The following POU6F2 variants were observed in gnomAD, a reference collection of about 807,000 sequenced individuals.
POU6F2 encodes POU class 6 homeobox 2, also known as POU domain, class 6, transcription factor 2.
In POU6F2, 31 loss-of-function variants were observed where a neutral mutation model predicts 71.3. That is an observed-to-expected ratio of 0.43 (90% CI 0.33 to 0.59). The LOEUF (loss-of-function observed/expected upper bound fraction) is 0.59, where lower values mean the gene tolerates loss of function less well. Among genes scored for constraint, POU6F2 ranks in the 20% least tolerant of loss-of-function variants. The pLI is 0.04. For synonymous variants in POU6F2, 347 were observed against 355.7 expected (o/e 0.98, Z 0.27); for missense variants, 783 against 856.8 (o/e 0.91, Z 1.07).
chr7:39,437,953 T>TTA (rs1788288337), intron 7 of POU6F2, among the ~76,000 whole-genome samples: 1 of 151,968 alleles, frequency 6.6e-6, no homozygotes, highest in African/African-American at 2.4e-5. Flanking sequence ...TCTTTTTTTT[T>TTA]TTATTATTAT....
chr7:39,393,693 T>C (rs935937947), intron 5 of POU6F2, among the ~76,000 whole-genome samples: 7 of 152,228 alleles, frequency 4.6e-5, no homozygotes, highest in African/African-American at 1.7e-4. Flanking sequence ...ATGGCTAGCA[T>C]ATCTCTGGCT....
chr7:39,091,413 T>C lies in POU6F2; in HGVS notation c.277+5382T>C, dbSNP rs80313414. On this transcript the variant is annotated intron_variant, in intron 2 of 9. Transcript: ENST00000518318. ...TACTCCATGGTAGCACATTAGCAAG[T>C]CAAAATACTGATATGGTTTTACTTT... is the stretch of plus-strand genomic sequence containing the variant. Among the ~76,000 whole-genome samples, 5 of 152,212 alleles carry C rather than the reference T, an allele frequency of 3.3e-5. No individual in the cohort carries two copies. The East Asian group carries it at 9.6e-4, about 29-fold the overall frequency.
chr7:39,292,459 C>T (rs183201005), intron 4 of POU6F2, among the ~76,000 whole-genome samples: 4 of 152,312 alleles, frequency 2.6e-5, no homozygotes, highest in Admixed American at 1.3e-4. Flanking sequence ...AGTTTGTGCT[C>T]GGCCCATCTT....
chr7:39,145,068 G>A (rs907191946), intron 2 of POU6F2, among the ~76,000 whole-genome samples: 3 of 152,144 alleles, frequency 2.0e-5, no homozygotes, highest in African/African-American at 7.2e-5. Context: ...CAATTTTTTA[G>A]TGGCACCTTC....
At chr7:39,332,914 CACTTT>C (rs1785685771) in intron 4 of POU6F2, among the ~76,000 whole-genome samples, 1 of 152,078 alleles carries the variant, frequency 6.6e-6, no homozygotes. Flanking sequence ...AGAGGAGAAG[CACTTT>C]ACTTTGGGGT....
rs562449466 is a variant in POU6F2, at chr7:39,452,890, C to T, written c.1489+1189C>T. Among the ~76,000 whole-genome samples the T allele has an allele frequency of 4.3e-4, 66 of 152,110 alleles. No individual in the cohort carries two copies. In the South Asian group the frequency reaches 0.011, roughly 25 times the overall value. The stretch of plus-strand genomic sequence containing the variant: ...GGCAGATCACCTGAGGTCAGGAGTT[C>T]GACACCAGCCTGACCAATATGATGA... On this transcript the variant is annotated intron_variant, in intron 8 of 9. Transcript: ENST00000518318.
chr7:39,051,452 C>G (rs937212467), intron 1 of POU6F2, among the ~76,000 whole-genome samples: 1 of 152,062 alleles, frequency 6.6e-6, no homozygotes, highest in Non-Finnish European at 1.5e-5. Flanking sequence ...ACATAATATT[C>G]AGGGCACTGA....
intron 4 of POU6F2, among the ~76,000 whole-genome samples, chr7:39,222,660 A>G (rs2128748683): frequency 6.6e-6 from 1 of 152,278 alleles, no homozygotes; most frequent in East Asian, 1.9e-4. Context: ...ATCATATAGT[A>G]TTCGTCCTTT....
chr7:39,392,920 T>G (rs1282668084), intron 5 of POU6F2, among the ~76,000 whole-genome samples: 1 of 152,204 alleles, frequency 6.6e-6, no homozygotes, highest in Non-Finnish European at 1.5e-5. Context: ...CTTTGCTGAT[T>G]GGGGAGATGG....
At chr7:39,362,516 C>T (rs899350301) in intron 5 of POU6F2, among the ~76,000 whole-genome samples, 6 of 152,034 alleles carry the variant, frequency 3.9e-5, no homozygotes, top group African/African-American at 7.2e-5. Context: ...TTTTCAGTTT[C>T]CTGATACCAT....
chr7:39,358,696 A>G (rs548993910), intron 5 of POU6F2, among the ~76,000 whole-genome samples: 46 of 152,334 alleles, frequency 3.0e-4, no homozygotes, highest in African/African-American at 1.1e-3. Flanking sequence ...GGTTTTTAAC[A>G]GAAAGATTGA....
At chr7:39,151,943 A>G (rs1792768333) in intron 2 of POU6F2, among the ~76,000 whole-genome samples, 1 of 152,158 alleles carries the variant, frequency 6.6e-6, no homozygotes, top group African/African-American at 2.4e-5. Flanking sequence ...GTGACTGGTA[A>G]GATTATCAGG....
intron 1 of POU6F2, among the ~76,000 whole-genome samples, chr7:39,067,240 T>C (rs1790776195): frequency 6.6e-6 from 1 of 150,380 alleles, no homozygotes; most frequent in East Asian, 1.9e-4. Context: ...AATTTGATTA[T>C]TTGGGAAGAC....
chr7:39,353,941 C>A (rs1786200053), intron 5 of POU6F2, among the ~76,000 whole-genome samples: 1 of 152,210 alleles, frequency 6.6e-6, no homozygotes, highest in East Asian at 1.9e-4. Flanking sequence ...AGCTGTAGGT[C>A]TGATGTAATT....
intron 4 of POU6F2, among the ~76,000 whole-genome samples, chr7:39,246,905 C>CTGT (rs1783830168): frequency 1.3e-5 from 1 of 78,150 alleles, no homozygotes; most frequent in Non-Finnish European, 2.2e-5. Context: ...TCCAGGGTGG[C>CTGT]TTTTTTTTTT....
chr7:39,210,284 T>G (rs749069715), intron 4 of POU6F2, among the ~76,000 whole-genome samples: 14 of 152,144 alleles, frequency 9.2e-5, no homozygotes, highest in Non-Finnish European at 1.9e-4. Context: ...CTTTTCCTCA[T>G]TGTGAAGTGT....
At chr7:39,015,839 T>C in intron 1 of POU6F2, among the ~76,000 whole-genome samples, 1 of 61,636 alleles carries the variant, frequency 1.6e-5, no homozygotes, top group South Asian at 5.9e-4. Context: ...AGATATATAA[T>C]ATATTATATA....
chr7:39,237,240 A>G (rs186858539), intron 4 of POU6F2, among the ~76,000 whole-genome samples: 1 of 152,332 alleles, frequency 6.6e-6, no homozygotes, highest in East Asian at 1.9e-4. Flanking sequence ...TCTTTTTAAA[A>G]GGGTTATTTT....
intron 2 of POU6F2, among the ~76,000 whole-genome samples, chr7:39,193,206 T>A (rs966942343): frequency 2.6e-5 from 4 of 152,130 alleles, no homozygotes; most frequent in African/African-American, 7.2e-5. Flanking sequence ...AACATTTTTT[T>A]AAAGACGATT....
Sources: allele counts gnomAD v4.1 joint callset (sites outside exome capture counted in the v4.1 genomes callset), GRCh38; gene constraint gnomAD v4.1.1; transcripts MANE v1.5; gene names NCBI Gene and HGNC (gene_info 2026-07-23, HGNC 2026-07-21).